TRAF3IP1: variants seen among roughly 807,000 people sequenced by gnomAD.
TRAF3IP1 encodes TRAF3-interacting protein 1.
In TRAF3IP1, 53 loss-of-function variants were observed where a neutral mutation model predicts 89.9. The observed-to-expected ratio is 0.59, with a 90% CI of 0.47 to 0.74. TRAF3IP1 has a LOEUF of 0.74. TRAF3IP1 is among the 30% of genes least tolerant of loss of function. The pLI is 0.00. For synonymous variants in TRAF3IP1, 311 were observed against 322.1 expected (o/e 0.97, Z 0.37); for missense variants, 806 against 866.1 (o/e 0.93, Z 0.87).
At chr2:238,350,120 G>A (rs1206141199) in intron 12 of TRAF3IP1, among the ~76,000 whole-genome samples, 1 of 152,080 alleles carries the variant, frequency 6.6e-6, no homozygotes, top group Non-Finnish European at 1.5e-5. Flanking sequence ...CAGATAGGAT[G>A]GATCAGAGTG....
rs988371923 is a variant in TRAF3IP1 at position 238,351,041 on chromosome 2, G to C, written c.1451+1633G>C. 6.6e-6 allele frequency among the ~76,000 whole-genome samples: 1 copy of C among 152,088 alleles called. No individual in the cohort carries two copies. The highest frequency in any genetic ancestry group is 2.4e-5 in the African/African-American group (1 of 41,410). ...GTGCCGGATGGATAGAAGGATTGTT[G>C]GAGTCAGGTCCTAGGGCGGTGAGCT... On this transcript the variant is annotated intron_variant, in intron 12 of 16. Transcript: ENST00000373327. The surrounding 1 kb of genome is among the most constrained non-coding windows in gnomAD (Gnocchi z 5.2).
chr2:238,346,608 C>T (rs1394748976), intron 9 of TRAF3IP1, among the ~76,000 whole-genome samples: 1 of 152,214 alleles, frequency 6.6e-6, no homozygotes, highest in Non-Finnish European at 1.5e-5. Context: ...GAGTGCTCCT[C>T]ACTCTGCTCG....
chr2:238,363,403 A>T (rs900215930), intron 15 of TRAF3IP1, among the ~76,000 whole-genome samples: 11 of 152,336 alleles, frequency 7.2e-5, no homozygotes, highest in Non-Finnish European at 1.2e-4. Context: ...GAATTTTAAT[A>T]TGAAGTACTT....
intron 15 of TRAF3IP1, among the ~76,000 whole-genome samples, chr2:238,370,270 T>TGAA (rs1375994565): frequency 6.6e-6 from 1 of 151,930 alleles, no homozygotes. Flanking sequence ...CATGTCTATG[T>TGAA]GAATGTCTGT....
At chr2:238,384,390 A>ATC (rs1415051143) in intron 15 of TRAF3IP1, among the ~76,000 whole-genome samples, 22 of 151,544 alleles carry the variant, frequency 1.5e-4, no homozygotes, top group African/African-American at 5.3e-4. Flanking sequence ...GTATATATAT[A>ATC]TATATGGAGT....
chr2:238,345,826 G>A lies in TRAF3IP1; in HGVS notation c.1261+1228G>A, dbSNP rs1363798954. Among the ~76,000 whole-genome samples the A allele has an allele frequency of 6.6e-6, 1 of 152,158 alleles. No homozygotes were observed. Among genetic ancestry groups the A allele is most frequent in the African/African-American group, 2.4e-5 (1 of 41,426 alleles). On this transcript the variant is annotated intron_variant, in intron 9 of 16. Coordinates refer to ENST00000373327, the MANE Select transcript of TRAF3IP1 (RefSeq NM_015650.4). This position sits in a 1 kb window ranked among gnomAD's most constrained non-coding sequence, Gnocchi z 4.7. ...GGACTGGGTCACCTAGGACGAGATT[G>A]TGAGTGCAGGAGCTGGCAGAGCACT...
chr2:238,371,170 C>T (rs1482286808), intron 15 of TRAF3IP1, among the ~76,000 whole-genome samples: 2 of 152,240 alleles, frequency 1.3e-5, no homozygotes, highest in African/African-American at 2.4e-5. Flanking sequence ...TCGTAAAGAG[C>T]GTGAAGCTTG....
rs938251029 is a variant in TRAF3IP1 at position 238,399,998 on chromosome 2, G to A, written c.*1079G>A. On this transcript the variant is annotated 3_prime_UTR_variant, in exon 17 of 17. Coordinates refer to ENST00000373327, the MANE Select transcript of TRAF3IP1 (RefSeq NM_015650.4). The stretch of plus-strand genomic sequence containing the variant: ...GTTTGAAGACATACTTATGGGTCTT[G>A]AGGTCTGGGTCCTAATACTTTTAAA... 1 of 152,076 alleles carries A rather than the reference G, an allele frequency of 6.6e-6. No homozygotes were observed. The highest frequency in any genetic ancestry group is 2.4e-5 in the African/African-American group (1 of 41,394). The allele number at this position is 152,076 out of a possible 1,614,324, so 9.4% of individuals were successfully genotyped here.
In TRAF3IP1 at chr2:238,320,649, C is replaced by A; in HGVS notation, c.-14C>A. 7.5e-7 allele frequency: 1 copy of A among 1,335,672 alleles called. No homozygotes were observed. The allele number at this position is 1,335,672 out of a possible 1,614,324, so 82.7% of individuals were successfully genotyped here. A position where few individuals can be genotyped will look rare whatever the true frequency, so the allele number is the denominator to read the frequency against. On this transcript the variant is annotated 5_prime_UTR_variant, in exon 1 of 17. Coordinates refer to ENST00000373327, the MANE Select transcript of TRAF3IP1 (RefSeq NM_015650.4). ...CTGAGGGGCGCGGGCGGCCAGCGGG[C>A]GGCGGACGCCGTCATGAACGCGGCG...
chr2:238,356,213 C>A, intron 15 of TRAF3IP1, 133 bp downstream of exon 15: 1 of 809,548 alleles, frequency 1.2e-6, no homozygotes, highest in East Asian at 2.7e-5. Context: ...AATGCCATTC[C>A]TGGCCAGGCA....
chr2:238,368,111 C>T (rs1699964423), intron 15 of TRAF3IP1, among the ~76,000 whole-genome samples: 1 of 152,150 alleles, frequency 6.6e-6, no homozygotes, highest in Non-Finnish European at 1.5e-5. Flanking sequence ...TTATTCCTTG[C>T]TGTCTGTTTC....
At chr2:238,353,337 C>T (rs982124804) in intron 14 of TRAF3IP1, 128 bp downstream of exon 14, 37 of 944,396 alleles carry the variant, frequency 3.9e-5, no homozygotes, top group African/African-American at 6.5e-5. Context: ...GTCACACTGG[C>T]GGGATCACAC....
chr2:238,383,321 G>A lies in TRAF3IP1; in HGVS notation c.1690-14138G>A, dbSNP rs140822597. Among the ~76,000 whole-genome samples the A allele has an allele frequency of 9.1e-4, 138 of 152,328 alleles. 1 individual carries two copies. In the East Asian group the frequency reaches 0.014, roughly 15 times the overall value. Reference sequence around the variant, plus strand: ...TGAGAGTCCCAAGGGCAGTGGGCCCGGGCCCTGGCACACAGTAGGTGCTCA... The same window carrying A: ...TGAGAGTCCCAAGGGCAGTGGGCCCAGGCCCTGGCACACAGTAGGTGCTCA... On this transcript the variant is annotated intron_variant, in intron 15 of 16. Coordinates refer to ENST00000373327, the MANE Select transcript of TRAF3IP1 (RefSeq NM_015650.4).
chr2:238,327,794 A>G (rs1697912596), intron 3 of TRAF3IP1, among the ~76,000 whole-genome samples: 1 of 152,056 alleles, frequency 6.6e-6, no homozygotes, highest in African/African-American at 2.4e-5. Flanking sequence ...GTCTCTATGA[A>G]TCTGACTACT....
chr2:238,343,407 G>A lies in TRAF3IP1; in HGVS notation c.1160-1090G>A, dbSNP rs115943707. On this transcript the variant is annotated intron_variant, in intron 8 of 16. Coordinates refer to ENST00000373327, the MANE Select transcript of TRAF3IP1 (RefSeq NM_015650.4). ...CTCCTACCCTTTTTTTTTCAGACATGATCTCGCTCTTACATGCAGGCTGGA... is the reference window on the plus strand; with the variant it reads ...CTCCTACCCTTTTTTTTTCAGACATAATCTCGCTCTTACATGCAGGCTGGA... Among the ~76,000 whole-genome samples the A allele has an allele frequency of 9.1e-3, 1,387 of 151,700 alleles. 9 individuals are homozygous for A. The highest frequency in any genetic ancestry group is 0.026 in the South Asian group (125 of 4,804).
In TRAF3IP1 at chr2:238,328,716, T is replaced by C; in HGVS notation, c.385T>C (p.Leu129=). ...LSSDDAVRRV[L]AGEKGEVKGR... ...TAGTGACGATGCGGTGCGGAGGGTTTTAGCTGGAGAGAAGGGAGAAGTGAA... is the reference window on the plus strand; with the variant it reads ...TAGTGACGATGCGGTGCGGAGGGTTCTAGCTGGAGAGAAGGGAGAAGTGAA... The change falls in exon 4 of 17, where the codon TTA becomes CTA. Residue 129 remains leucine, a synonymous_variant. Coordinates refer to ENST00000373327, the MANE Select transcript of TRAF3IP1 (RefSeq NM_015650.4). 6.2e-7 allele frequency: 1 copy of C among 1,613,950 alleles called. No homozygotes were observed. The highest frequency in any genetic ancestry group is 8.5e-7 in the Non-Finnish European group (1 of 1,179,962).
Position 238,353,431 on chromosome 2 carries a change from C to T in TRAF3IP1, c.1612+222C>T, listed in dbSNP as rs557087738. Among the ~76,000 whole-genome samples the T allele has an allele frequency of 1.4e-3, 206 of 152,242 alleles. 1 individual carries two copies. The highest frequency in any genetic ancestry group is 4.2e-3 in the African/African-American group (175 of 41,536). On this transcript the variant is annotated intron_variant, in intron 14 of 16. Coordinates refer to ENST00000373327, the MANE Select transcript of TRAF3IP1 (RefSeq NM_015650.4). ...CCATCCTTAGAGGAGGGGGAGGGCACAGTTGGAAGCTGGAAACTCACTGGC... is the reference window on the plus strand; with the variant it reads ...CCATCCTTAGAGGAGGGGGAGGGCATAGTTGGAAGCTGGAAACTCACTGGC...
chr2:238,359,494 C>T (rs934738928), intron 15 of TRAF3IP1, among the ~76,000 whole-genome samples: 3 of 151,958 alleles, frequency 2.0e-5, no homozygotes, highest in Non-Finnish European at 4.4e-5. Context: ...TCAGTCTGGC[C>T]GTTTTTACTC....
At chr2:238,353,336 G>A (rs747450877) in intron 14 of TRAF3IP1, 127 bp downstream of exon 14, 5 of 994,510 alleles carry the variant, frequency 5.0e-6, no homozygotes, top group Non-Finnish European at 7.6e-6. Flanking sequence ...GGTCACACTG[G>A]CGGGATCACA....
Sources: allele counts gnomAD v4.1 joint callset (sites outside exome capture counted in the v4.1 genomes callset), GRCh38; gene constraint gnomAD v4.1.1; non-coding constraint Gnocchi (gnomAD v3.1); transcripts MANE v1.5; gene names NCBI Gene and HGNC (gene_info 2026-07-23, HGNC 2026-07-21).